The following UBAP2 variants were observed in gnomAD, a reference collection of about 807,000 sequenced individuals.
UBAP2 encodes ubiquitin-associated protein 2.
A neutral mutation model predicts 139.6 loss-of-function variants in UBAP2; 75 were observed. The ratio of observed to expected loss-of-function variants is 0.54; its 90% CI spans 0.45 to 0.65. The LOEUF is 0.65. Ranked by LOEUF, UBAP2 falls within the 30% of genes least tolerant of loss-of-function variation. The pLI, the probability that UBAP2 is intolerant of heterozygous loss-of-function variation, is 0.00. For missense variants in UBAP2, 1,368 were observed against 1,369.6 expected (o/e 1.00, Z 0.02); for synonymous variants, 526 against 526.2 (o/e 1.00, Z 0.01).
chr9:34,041,660 G>A (rs1003093044), intron 1 of UBAP2, among the ~76,000 whole-genome samples: 4 of 152,090 alleles, frequency 2.6e-5, no homozygotes, highest in Admixed American at 6.6e-5. Context: ...AGCCGAGATC[G>A]TGCCACTGGC....
chr9:34,039,029 A>C, intron 1 of UBAP2, among the ~76,000 whole-genome samples: 1 of 143,696 alleles, frequency 7.0e-6, no homozygotes, highest in Non-Finnish European at 1.5e-5. Flanking sequence ...AGAAGTGAGG[A>C]GCCCCTCCGC....
At chr9:34,038,242 A>G (rs1046723978) in intron 1 of UBAP2, among the ~76,000 whole-genome samples, 4 of 151,422 alleles carry the variant, frequency 2.6e-5, no homozygotes, top group African/African-American at 4.9e-5. Flanking sequence ...TGAGGTCAGG[A>G]GTTCAAGACC....
intron 1 of UBAP2, among the ~76,000 whole-genome samples, chr9:34,046,717 T>C (rs1827633350): frequency 6.6e-6 from 1 of 151,432 alleles, no homozygotes; most frequent in African/African-American, 2.4e-5. Context: ...GAAAGGTTTG[T>C]ACTTTCTACA....
In UBAP2 at chr9:33,944,581, C is replaced by T; in HGVS notation, c.1329G>A (p.Gln443=). 1.9e-6 allele frequency: 3 copies of T among 1,614,166 alleles called. No individual in the cohort carries two copies. Among genetic ancestry groups the T allele is most frequent in the Non-Finnish European group, 2.5e-6 (3 of 1,180,036 alleles). The change falls in exon 14 of 29, where the codon CAG becomes CAA. Residue 443 remains glutamine (Q), a synonymous_variant. Transcript: ENST00000379238. ...PVLSQLSQRQ[Q]HQSQAVTVPP... ...GAACAGTGACTGCCTGGCTCTGGTG[C>T]TGTTGTCGCTGGCTCAACTGGCTAA...
chr9:34,025,300 A>C (rs977323457), intron 1 of UBAP2, among the ~76,000 whole-genome samples: 1 of 152,182 alleles, frequency 6.6e-6, no homozygotes, highest in Non-Finnish European at 1.5e-5. Flanking sequence ...TCCACTCCCA[A>C]GAGTTCTACT....
chr9:34,016,686 G>C (rs1824380638), intron 2 of UBAP2, among the ~76,000 whole-genome samples: 2 of 151,494 alleles, frequency 1.3e-5, no homozygotes, highest in Non-Finnish European at 2.9e-5. Context: ...CTCCCGAGAA[G>C]CTAGGATTAC....
rs913051830 is a variant in UBAP2 at position 33,959,903 on chromosome 9, T to TA, written c.798+922dup. ...AGGTCAAACAAAACACAGATAAGCT[T>TA]AAAAAAAAAATCAATCCTACTTAAC... On this transcript the variant is annotated intron_variant, in intron 10 of 28. Transcript: ENST00000379238. Among the ~76,000 whole-genome samples, 64 of 149,928 alleles carry TA rather than the reference T, an allele frequency of 4.3e-4. No individual in the cohort carries two copies. The East Asian group carries it at 5.2e-3, about 12-fold the overall frequency.
intron 6 of UBAP2, among the ~76,000 whole-genome samples, chr9:33,984,044 C>A (rs1381839023): frequency 6.6e-6 from 1 of 152,058 alleles, no homozygotes; most frequent in Non-Finnish European, 1.5e-5. Flanking sequence ...GCTGGAACTA[C>A]AGGCACACAC....
intron 3 of UBAP2, chr9:33,996,593 A>T (rs1822223519): frequency 2.5e-6 from 1 of 394,968 alleles, no homozygotes; most frequent in South Asian, 3.9e-5. Flanking sequence ...AATCAGCAGC[A>T]CACACATACG....
chr9:33,923,722 A>G (rs1320486507), intron 24 of UBAP2, 73 bp downstream of exon 24: 1 of 1,483,966 alleles, frequency 6.7e-7, no homozygotes, highest in African/African-American at 1.4e-5. Flanking sequence ...CCCTGCTGGA[A>G]GATAGGTCCC....
intron 1 of UBAP2, among the ~76,000 whole-genome samples, chr9:34,045,331 G>A (rs1194367591): frequency 6.7e-5 from 10 of 149,000 alleles, no homozygotes; most frequent in African/African-American, 2.5e-4. Context: ...GGGCAACAGT[G>A]AGACTGTCTT....
intron 1 of UBAP2, among the ~76,000 whole-genome samples, chr9:34,036,720 G>A (rs1450463636): frequency 6.6e-6 from 1 of 151,992 alleles, no homozygotes; most frequent in African/African-American, 2.4e-5. Context: ...TTTGCGCAGG[G>A]AGAACCATCA....
At chr9:34,008,423 A>G (rs1046227386) in intron 2 of UBAP2, among the ~76,000 whole-genome samples, 9 of 152,014 alleles carry the variant, frequency 5.9e-5, no homozygotes, top group African/African-American at 1.9e-4. Context: ...TGTGGAAGCA[A>G]TAAGACATAA....
chr9:34,034,650 G>A (rs555754264), intron 1 of UBAP2, among the ~76,000 whole-genome samples: 22 of 152,248 alleles, frequency 1.4e-4, no homozygotes, highest in Admixed American at 1.1e-3. Context: ...ACAGGCGGGC[G>A]GATCAGGAGG....
chr9:33,985,933 ATTGT>A lies in UBAP2; in HGVS notation c.520+823_520+826del, dbSNP rs1292959736. Among the ~76,000 whole-genome samples the A allele has an allele frequency of 3.3e-5, 5 of 151,456 alleles. No individual in the cohort carries two copies. The East Asian group carries it at 9.9e-4, about 30-fold the overall frequency. ...GCTACTCAGGAGGGTAAGTAGGAGG[ATTGT>A]TTGAGCCCAGGAGGTGGAGGTTGCA... On this transcript the variant is annotated intron_variant, in intron 6 of 28. Coordinates refer to ENST00000379238, the MANE Select transcript of UBAP2 (RefSeq NM_001370062.2).
At chr9:33,970,720 T>C (rs1827852684) in intron 8 of UBAP2, among the ~76,000 whole-genome samples, 1 of 152,180 alleles carries the variant, frequency 6.6e-6, no homozygotes, top group African/African-American at 2.4e-5. Flanking sequence ...CATGAACCAC[T>C]GCACCTGGCC....
chr9:33,943,911 A>G (rs540618358), intron 14 of UBAP2, among the ~76,000 whole-genome samples: 60 of 152,288 alleles, frequency 3.9e-4, no homozygotes, highest in African/African-American at 1.4e-3. Flanking sequence ...ATTTAAAAAA[A>G]AAAAGGAGAA....
chr9:34,009,005 C>T (rs569936597), intron 2 of UBAP2, among the ~76,000 whole-genome samples: 3 of 143,618 alleles, frequency 2.1e-5, no homozygotes, highest in East Asian at 4.2e-4. Context: ...TTTAGGATAG[C>T]GGGGTGAATA....
chr9:34,033,090 A>T (rs1304501455), intron 1 of UBAP2, among the ~76,000 whole-genome samples: 1 of 152,196 alleles, frequency 6.6e-6, no homozygotes, highest in African/African-American at 2.4e-5. Context: ...TTGAGCTACC[A>T]TATGATCCAG....
Sources: allele counts gnomAD v4.1 joint callset (sites outside exome capture counted in the v4.1 genomes callset), GRCh38; gene constraint gnomAD v4.1.1; transcripts MANE v1.5; gene names NCBI Gene and HGNC (gene_info 2026-07-23, HGNC 2026-07-21).